Variants in TUSC3 observed in about 807,000 individuals in gnomAD.
TUSC3 encodes tumor suppressor candidate 3.
A neutral mutation model predicts 44.8 loss-of-function variants in TUSC3; 45 were observed. That is an observed-to-expected ratio of 1.00 (90% CI 0.79 to 1.29). The LOEUF (loss-of-function observed/expected upper bound fraction) is 1.29, where lower values mean the gene tolerates loss of function less well. TUSC3 is among the 50% of genes most tolerant of loss of function. The pLI, the probability that TUSC3 is intolerant of heterozygous loss-of-function variation, is 0.00. For missense variants in TUSC3, 519 were observed against 437.9 expected (o/e 1.19, Z -1.65); for synonymous variants, 212 against 152.9 (o/e 1.39, Z -2.85).
intron 1 of TUSC3, among the ~76,000 whole-genome samples, chr8:15,446,452 G>A (rs1220015544): frequency 6.6e-6 from 1 of 152,112 alleles, no homozygotes; most frequent in East Asian, 1.9e-4. Context: ...AGCACTGAGT[G>A]AGCGAGACTC....
At chr8:15,653,382 A>AAT (rs1563155526) in intron 3 of TUSC3, among the ~76,000 whole-genome samples, 5 of 152,076 alleles carry the variant, frequency 3.3e-5, no homozygotes, top group Admixed American at 6.5e-5. Context: ...TTTTTTTTAA[A>AAT]ATCTTCTGTG....
the TUSC3 span, among the ~76,000 whole-genome samples, chr8:15,779,479 T>C: frequency 7.3e-3 from 1,086 of 149,526 alleles, 5 homozygotes; most frequent in Middle Eastern, 0.018. Flanking sequence ...TGAAGGAGTA[T>C]TGACACCACT....
At chr8:15,719,551 C>A (rs2129203428) in intron 6 of TUSC3, among the ~76,000 whole-genome samples, 1 of 149,616 alleles carries the variant, frequency 6.7e-6, no homozygotes, top group African/African-American at 2.5e-5. Context: ...CACACACAGC[C>A]CCATGAGACT....
At chr8:15,542,492 G>A (rs978517241) in intron 1 of TUSC3, among the ~76,000 whole-genome samples, 3 of 151,996 alleles carry the variant, frequency 2.0e-5, no homozygotes, top group African/African-American at 7.2e-5. Context: ...TATGCCCTCG[G>A]TGGAGAAGAG....
At chr8:15,689,277 C>T in intron 6 of TUSC3, 1 of 349,182 alleles carries the variant, frequency 2.9e-6, no homozygotes, top group Middle Eastern at 8.0e-4. Context: ...GAAATAGCTG[C>T]ATAATTGTCT....
At chr8:15,760,837 C>A (rs1812142034) in intron 10 of TUSC3, among the ~76,000 whole-genome samples, 1 of 152,164 alleles carries the variant, frequency 6.6e-6, no homozygotes. Flanking sequence ...GAATATGTTC[C>A]CATACTTTCA....
intron 2 of TUSC3, among the ~76,000 whole-genome samples, chr8:15,631,668 TTGTGTGTGTGTG>T (rs147004169): frequency 3.9e-4 from 57 of 145,210 alleles, no homozygotes; most frequent in African/African-American, 8.7e-4. Context: ...TTTAAGGCTG[TTGTGTGTGTGTG>T]TGTGTGTGTG....
intron 1 of TUSC3, among the ~76,000 whole-genome samples, chr8:15,604,002 G>C (rs1804414043): frequency 6.6e-6 from 1 of 151,534 alleles, no homozygotes; most frequent in Non-Finnish European, 1.5e-5. Context: ...AAGCCTATGT[G>C]ACCATTATTA....
intron 2 of TUSC3, among the ~76,000 whole-genome samples, chr8:15,514,650 A>G: frequency 6.6e-6 from 1 of 152,188 alleles, no homozygotes; most frequent in East Asian, 1.9e-4. Flanking sequence ...AGAGCCTACT[A>G]CATTTGTTAA....
intron 1 of TUSC3, among the ~76,000 whole-genome samples, chr8:15,574,366 T>G (rs1437496098): frequency 1.3e-5 from 2 of 152,152 alleles, no homozygotes. Flanking sequence ...ATTATGGAGT[T>G]GTCAAGAGGC....
At chr8:15,524,374 T>C (rs1038060735) in intron 2 of TUSC3, among the ~76,000 whole-genome samples, 1 of 152,114 alleles carries the variant, frequency 6.6e-6, no homozygotes, top group Non-Finnish European at 1.5e-5. Flanking sequence ...TGGAAAGGAA[T>C]TGTGATGTAA....
intron 6 of TUSC3, among the ~76,000 whole-genome samples, chr8:15,675,365 C>G (rs566193209): frequency 6.6e-6 from 1 of 151,734 alleles, no homozygotes; most frequent in Admixed American, 6.6e-5. Context: ...TTAAAGTATA[C>G]GAAAAGTTAT....
chr8:15,631,616 A>G (rs1805766419), intron 2 of TUSC3, among the ~76,000 whole-genome samples: 1 of 151,822 alleles, frequency 6.6e-6, no homozygotes, highest in Non-Finnish European at 1.5e-5. Context: ...TACATACATC[A>G]TGAATATTGT....
At chr8:15,796,106 G>T in the TUSC3 span, among the ~76,000 whole-genome samples, 1 of 152,122 alleles carries the variant, frequency 6.6e-6, no homozygotes. Context: ...TTGCATGGTG[G>T]CCTCTGCATC....
intron 1 of TUSC3, among the ~76,000 whole-genome samples, chr8:15,606,548 A>C (rs575962786): frequency 4.4e-4 from 67 of 152,204 alleles, no homozygotes; most frequent in African/African-American, 1.5e-3. Context: ...ATAGGCACAC[A>C]CAAATTGTGG....
In TUSC3 at chr8:15,735,792, C is replaced by T. The variant is rs550947248; in HGVS notation, c.862+5063C>T. On this transcript the variant is annotated intron_variant, in intron 7 of 10. Transcript: ENST00000503731. ...TCCGCTCACTGCAAGCTCTGCCTTC[C>T]GGGTTCACGCCATTCTCCTGCCTCA... is the stretch of plus-strand genomic sequence containing the variant. Among the ~76,000 whole-genome samples the T allele has an allele frequency of 1.2e-4, 18 of 152,166 alleles. No individual in the cohort carries two copies. The South Asian group carries it at 3.1e-3, about 26-fold the overall frequency.
chr8:15,831,955 T>C, the TUSC3 span, among the ~76,000 whole-genome samples: 11 of 152,118 alleles, frequency 7.2e-5, no homozygotes, highest in African/African-American at 1.2e-4. Flanking sequence ...TCCAGTAAGA[T>C]ACTTCAAAGA....
chr8:15,423,125 A>G (rs1799758773), intron 1 of TUSC3, among the ~76,000 whole-genome samples: 1 of 152,204 alleles, frequency 6.6e-6, no homozygotes, highest in Admixed American at 6.5e-5. Flanking sequence ...TTAGTTTCTT[A>G]TAATGTTGGA....
At chr8:15,582,772 C>G (rs148499894) in intron 1 of TUSC3, among the ~76,000 whole-genome samples, 78 of 152,284 alleles carry the variant, frequency 5.1e-4, no homozygotes, top group African/African-American at 1.6e-3. Flanking sequence ...TGCCTCAACT[C>G]GAAGATTAGT....
Sources: allele counts gnomAD v4.1 joint callset (sites outside exome capture counted in the v4.1 genomes callset), GRCh38; gene constraint gnomAD v4.1.1; transcripts MANE v1.5; gene names NCBI Gene and HGNC (gene_info 2026-07-23, HGNC 2026-07-21).